The following STK39 variants were observed in gnomAD, a reference collection of about 807,000 sequenced individuals.
The protein encoded by STK39 is serine/threonine kinase 39.
Under a neutral mutation model 77.8 loss-of-function variants are expected in STK39, and 20 were observed. That is an observed-to-expected ratio of 0.26 (90% CI 0.18 to 0.37). The LOEUF is 0.37. STK39 is among the 10% of genes least tolerant of loss of function. The pLI, the probability that STK39 is intolerant of heterozygous loss-of-function variation, is 1.00. For synonymous variants in STK39, 246 were observed against 234.1 expected (o/e 1.05, Z -0.47); for missense variants, 479 against 656.5 (o/e 0.73, Z 2.95).
At chr2:168,201,549 A>G (rs1020293029) in intron 1 of STK39, among the ~76,000 whole-genome samples, 1 of 152,240 alleles carries the variant, frequency 6.6e-6, no homozygotes, top group East Asian at 1.9e-4. Flanking sequence ...TAAAATCACA[A>G]AGCAGTCAAT....
intron 3 of STK39, 85 bp downstream of exon 3, chr2:168,167,214 T>G: frequency 1.8e-6 from 2 of 1,124,482 alleles, no homozygotes; most frequent in Non-Finnish European, 2.6e-6. Flanking sequence ...GAGAAAGGAT[T>G]CAATCTAAAG....
chr2:168,021,302 G>A (rs1684565153), intron 14 of STK39, among the ~76,000 whole-genome samples: 1 of 152,138 alleles, frequency 6.6e-6, no homozygotes, highest in South Asian at 2.1e-4. Flanking sequence ...TCAAGTTATG[G>A]AGGCTGCGTA....
intron 10 of STK39, chr2:168,113,221 CAAAG>C (rs1559103361): frequency 6.6e-6 from 1 of 152,156 alleles, no homozygotes; most frequent in Non-Finnish European, 1.5e-5. Context: ...TATTATACAT[CAAAG>C]AAAGGAGCAC....
At chr2:168,148,365 C>G (rs572329699) in intron 5 of STK39, among the ~76,000 whole-genome samples, 1 of 152,230 alleles carries the variant, frequency 6.6e-6, no homozygotes, top group East Asian at 1.9e-4. Flanking sequence ...GGAGGGCCAC[C>G]CCTTCCCTCC....
At chr2:168,169,003 T>C (rs1029083434) in intron 2 of STK39, among the ~76,000 whole-genome samples, 1 of 152,114 alleles carries the variant, frequency 6.6e-6, no homozygotes, top group Admixed American at 6.6e-5. Context: ...TAAAAAATAA[T>C]AAAAATGAAG....
chr2:168,239,085 A>C (rs1035090860), intron 1 of STK39, among the ~76,000 whole-genome samples: 3 of 152,170 alleles, frequency 2.0e-5, no homozygotes, highest in African/African-American at 4.8e-5. Flanking sequence ...AGTTATAAAA[A>C]TAGAACTCCT....
In STK39 at chr2:168,048,873, C is replaced by T. The variant is rs545384231; in HGVS notation, c.1376+14627G>A. ...TGCCTCTGATGTGACCCCAGACCTT[C>T]CTTTACCCATGTAATACCCTCAACA... is the stretch of plus-strand genomic sequence containing the variant. On this transcript the variant is annotated intron_variant, in intron 14 of 17. Coordinates refer to ENST00000355999, the MANE Select transcript of STK39 (RefSeq NM_013233.3). Among the ~76,000 whole-genome samples the T allele has an allele frequency of 2.2e-3, 332 of 152,346 alleles. 4 individuals carry two copies. In the Middle Eastern group the frequency reaches 0.034, roughly 16 times the overall value.
chr2:168,037,653 A>T (rs1684992425), intron 14 of STK39, among the ~76,000 whole-genome samples: 1 of 152,232 alleles, frequency 6.6e-6, no homozygotes, highest in Non-Finnish European at 1.5e-5. Flanking sequence ...TAAGAAAAAT[A>T]ACCATAAGAT....
intron 16 of STK39, among the ~76,000 whole-genome samples, chr2:168,003,492 AG>A (rs1171339097): frequency 6.6e-6 from 1 of 151,294 alleles, no homozygotes; most frequent in South Asian, 2.1e-4. Context: ...TTTTAAAGAA[AG>A]AAAAGATAAT....
intron 14 of STK39, among the ~76,000 whole-genome samples, chr2:168,019,897 G>T (rs1029680814): frequency 7.2e-5 from 11 of 152,010 alleles, no homozygotes; most frequent in Non-Finnish European, 1.2e-4. Context: ...TAGAGACAGG[G>T]TTTCACCATG....
At position 168,161,808 on chromosome 2, in the gene STK39, C is replaced by T; in HGVS notation, c.607G>A (p.Asp203Asn). 2 of 1,610,150 alleles carry T rather than the reference C, an allele frequency of 1.2e-6. No individual in the cohort carries two copies. The highest frequency in any genetic ancestry group is 4.5e-5 in the East Asian group (2 of 44,644). The change falls in exon 5 of 18, where the codon GAT (aspartate) becomes AAT (asparagine). Residue 203 changes from aspartate (D) to asparagine (N), a missense_variant. This residue lies in a region of STK39 where 139 missense variants were observed against 280.6 expected (regional missense o/e 0.50). Transcript: ENST00000355999. The stretch of plus-strand genomic sequence containing the variant: ...TTACCTGCTATTTGTACTGAACCAT[C>T]CTCACCCAGAAGAATATTACCAGCT... ...LKAGNILLGE[D>N]GSVQIADFGV...
intron 14 of STK39, among the ~76,000 whole-genome samples, chr2:168,056,270 G>T (rs1685523516): frequency 6.6e-6 from 1 of 151,734 alleles, no homozygotes. Context: ...TTTTCTCCTA[G>T]AGTGTGACAT....
intron 1 of STK39, among the ~76,000 whole-genome samples, chr2:168,238,047 C>G (rs1217619296): frequency 6.6e-6 from 1 of 152,140 alleles, no homozygotes; most frequent in Non-Finnish European, 1.5e-5. Context: ...AAATGTAATC[C>G]TTTTTCAATC....
chr2:168,201,583 C>T (rs1689613354), intron 1 of STK39, among the ~76,000 whole-genome samples: 1 of 152,124 alleles, frequency 6.6e-6, no homozygotes, highest in African/African-American at 2.4e-5. Flanking sequence ...AGGCATAATT[C>T]AATGAAAGAA....
At chr2:168,056,371 GCCACGTTC>G (rs1374216153) in intron 14 of STK39, among the ~76,000 whole-genome samples, 1 of 152,084 alleles carries the variant, frequency 6.6e-6, no homozygotes, top group Non-Finnish European at 1.5e-5. Context: ...GAGGAAGGAA[GCCACGTTC>G]CCAGCAGGTA....
At chr2:168,186,221 C>T (rs757886772) in intron 1 of STK39, among the ~76,000 whole-genome samples, 2 of 152,148 alleles carry the variant, frequency 1.3e-5, no homozygotes, top group Non-Finnish European at 2.9e-5. Flanking sequence ...TGCCTGTTTA[C>T]AAGCCAGCAA....
intron 16 of STK39, among the ~76,000 whole-genome samples, chr2:167,973,156 A>T (rs984166796): frequency 1.3e-5 from 2 of 152,252 alleles, no homozygotes; most frequent in African/African-American, 2.4e-5. Context: ...TTTTGTCAGA[A>T]AAGTAAAAAC....
rs139902955 is a variant in STK39, at chr2:168,225,994, G to A, written c.208+21234C>T. 1.5e-3 allele frequency among the ~76,000 whole-genome samples: 221 copies of A among 152,270 alleles called. 1 individual carries two copies. Among genetic ancestry groups the A allele is most frequent in the Non-Finnish European group, 2.2e-3 (151 of 68,018 alleles). On this transcript the variant is annotated intron_variant, in intron 1 of 17. Transcript: ENST00000355999. ...TCCAGCAATTAGCAGCCATAGTTGC[G>A]GCTAACAGGGAAAGAAGAGAGAAGC...
chr2:168,128,219 G>C (rs963883381), intron 10 of STK39, among the ~76,000 whole-genome samples: 30 of 152,196 alleles, frequency 2.0e-4, no homozygotes. Flanking sequence ...TTGAGGACAT[G>C]TACTATATAA....
Sources: gnomAD v4.1 joint callset for allele counts (sites outside exome capture counted in the v4.1 genomes callset) on GRCh38, gnomAD v4.1.1 for gene constraint, gnomAD v4.1.1 regional missense constraint, MANE v1.5 for transcripts, NCBI Gene and HGNC (gene_info 2026-07-23, HGNC 2026-07-21) for gene names.